Variants in CHLSN observed in about 807,000 individuals in gnomAD.
CHLSN encodes protein cholesin.
At chr7:1,095,888 C>T in the CHLSN span, among the ~76,000 whole-genome samples, 1 of 152,228 alleles carries the variant, frequency 6.6e-6, no homozygotes, top group South Asian at 2.1e-4. Context: ...CGAGGGGTCA[C>T]CCAAGGTCAC....
the CHLSN span, among the ~76,000 whole-genome samples, chr7:1,002,455 T>C: frequency 1.0e-4 from 7 of 68,804 alleles, no homozygotes; most frequent in Admixed American, 3.3e-4. Context: ...GTGAGTGGAG[T>C]CCTGTGGGTG....
the CHLSN span, among the ~76,000 whole-genome samples, chr7:1,016,588 GCAC>G: frequency 1.7e-5 from 2 of 114,564 alleles, no homozygotes; most frequent in Admixed American, 8.8e-5. Context: ...GCAGCACACA[GCAC>G]CACACAGCAG....
chr7:1,036,255 C>T, the CHLSN span, among the ~76,000 whole-genome samples: 4 of 152,288 alleles, frequency 2.6e-5, no homozygotes, highest in East Asian at 5.8e-4. Flanking sequence ...CCATAAGCTG[C>T]GGACTTCGGG....
At chr7:1,133,594 CAA>C in the CHLSN span, among the ~76,000 whole-genome samples, 8 of 147,164 alleles carry the variant, frequency 5.4e-5, no homozygotes, top group African/African-American at 2.0e-4. Context: ...ACTAAAAATA[CAA>C]AAAAAAAATT....
the CHLSN span, among the ~76,000 whole-genome samples, chr7:1,044,278 C>G: frequency 2.6e-5 from 4 of 152,254 alleles, no homozygotes. Flanking sequence ...AGAAACCGCG[C>G]TGGGCACTAA....
chr7:1,112,979 C>T, the CHLSN span, among the ~76,000 whole-genome samples: 31,258 of 152,162 alleles, frequency 0.21, 3,514 homozygotes, highest in Middle Eastern at 0.33. Context: ...TTCTTTGCAC[C>T]GTGGATGAAT....
At chr7:1,103,669 A>C in the CHLSN span, among the ~76,000 whole-genome samples, 1 of 152,242 alleles carries the variant, frequency 6.6e-6, no homozygotes, top group African/African-American at 2.4e-5. Flanking sequence ...CCACGCTTTC[A>C]TTATGATCGA....
the CHLSN span, among the ~76,000 whole-genome samples, chr7:1,016,865 C>G: frequency 0.012 from 918 of 75,538 alleles, 97 homozygotes; most frequent in African/African-American, 0.046. Flanking sequence ...GCACACAGCA[C>G]ACAGCAGCGC....
chr7:1,001,704 GGGAGTCCTGTGGGTTAGT>G, the CHLSN span, among the ~76,000 whole-genome samples: 1 of 111,746 alleles, frequency 8.9e-6, no homozygotes, highest in East Asian at 3.0e-4. Flanking sequence ...CCTGCGGGTG[GGGAGTCCTGTGGGTTAGT>G]GGAGTCCTGT....
the CHLSN span, among the ~76,000 whole-genome samples, chr7:1,032,556 G>A: frequency 4.7e-5 from 7 of 149,684 alleles, no homozygotes; most frequent in East Asian, 4.0e-4. Flanking sequence ...CTCAGAGGCC[G>A]CAGCCACCCG....
the CHLSN span, among the ~76,000 whole-genome samples, chr7:1,018,857 G>C: frequency 1.3e-5 from 2 of 152,152 alleles, no homozygotes; most frequent in African/African-American, 4.8e-5. Context: ...TCCAGCTGGT[G>C]GTCCCAGGAC....
At chr7:1,010,215 C>T in the CHLSN span, 3 of 1,392,354 alleles carry the variant, frequency 2.2e-6, no homozygotes, top group Admixed American at 4.3e-5. Flanking sequence ...CCTGGGGCTT[C>T]CCGAGCCCAC....
At chr7:1,108,417 G>T in the CHLSN span, among the ~76,000 whole-genome samples, 5,146 of 152,212 alleles carry the variant, frequency 0.034, 294 homozygotes, top group African/African-American at 0.12. Context: ...GCAGAGGGGG[G>T]CTGCTCTCCT....
the CHLSN span, among the ~76,000 whole-genome samples, chr7:1,136,017 TG>T: frequency 1.7e-5 from 2 of 118,450 alleles, no homozygotes; most frequent in South Asian, 4.7e-4. Context: ...AAAATATATA[TG>T]TATATATAAA....
the CHLSN span, chr7:1,092,807 T>C: frequency 1.2e-6 from 2 of 1,613,484 alleles, no homozygotes; most frequent in Non-Finnish European, 1.7e-6. Flanking sequence ...AAGGCCGTCA[T>C]TCCAGACAGC....
At chr7:1,023,950 C>T in the CHLSN span, among the ~76,000 whole-genome samples, 1 of 152,322 alleles carries the variant, frequency 6.6e-6, no homozygotes, top group Non-Finnish European at 1.5e-5. This position sits in a 1 kb window ranked among gnomAD's most constrained non-coding sequence, Gnocchi z 5.0. Flanking sequence ...AAGCAATCCT[C>T]CCACCTCAGC....
the CHLSN span, among the ~76,000 whole-genome samples, chr7:1,063,197 G>A: frequency 6.6e-6 from 1 of 152,158 alleles, no homozygotes; most frequent in Non-Finnish European, 1.5e-5. Flanking sequence ...AGCTGACCCC[G>A]GCCACATCTG....
chr7:1,065,078 T>C, the CHLSN span, among the ~76,000 whole-genome samples: 2 of 152,142 alleles, frequency 1.3e-5, no homozygotes, highest in Non-Finnish European at 2.9e-5. Flanking sequence ...TGAGAAACGA[T>C]GAGGCCCTGG....
the CHLSN span, among the ~76,000 whole-genome samples, chr7:1,029,673 A>G: frequency 2.6e-4 from 39 of 152,320 alleles, no homozygotes; most frequent in Non-Finnish European, 3.2e-4. Context: ...ACTCCCTCTC[A>G]AGGCGTCAGG....
Sources: gnomAD v4.1 joint callset for allele counts (sites outside exome capture counted in the v4.1 genomes callset) on GRCh38, gnomAD v4.1.1 for gene constraint, Gnocchi (gnomAD v3.1) non-coding constraint, MANE v1.5 for transcripts, NCBI Gene and HGNC (gene_info 2026-07-23, HGNC 2026-07-21) for gene names.